EDA2R: variants seen among roughly 807,000 people sequenced by gnomAD.
EDA2R encodes ectodysplasin A2 receptor.
EDA2R carries 26 observed loss-of-function variants against 20.1 expected under a neutral mutation model. The ratio of observed to expected loss-of-function variants is 1.30; its 90% CI spans 0.95 to 1.80. The LOEUF (loss-of-function observed/expected upper bound fraction) is 1.80, where lower values mean the gene tolerates loss of function less well. Among genes scored for constraint, EDA2R ranks in the 40% most tolerant of loss-of-function variants. The pLI is 0.00. For synonymous variants in EDA2R, 114 were observed against 88.7 expected (o/e 1.29, Z -1.60); for missense variants, 277 against 228.7 (o/e 1.21, Z -1.36).
chrX:66,613,412 C>A (rs1180919393), intron 2 of EDA2R, among the ~76,000 whole-genome samples: 1 of 111,184 alleles, frequency 9.0e-6, no homozygotes, highest in Non-Finnish European at 1.9e-5. Flanking sequence ...ATTGGAAAGG[C>A]AAATGGGCAA....
intron 2 of EDA2R, among the ~76,000 whole-genome samples, chrX:66,610,580 G>A (rs979036867): frequency 2.7e-5 from 3 of 111,607 alleles, no homozygotes; most frequent in African/African-American, 9.8e-5. Context: ...TAATTGGTTA[G>A]CACTCCCTTT....
intron 5 of EDA2R, among the ~76,000 whole-genome samples, chrX:66,601,084 AG>A (rs1298307210): frequency 8.9e-6 from 1 of 112,186 alleles, no homozygotes; most frequent in Non-Finnish European, 1.9e-5. Flanking sequence ...TTCCAAAGTA[AG>A]AAAATGTCTA....
At chrX:66,600,331 T>C (rs1478745112) in intron 5 of EDA2R, among the ~76,000 whole-genome samples, 1 of 111,506 alleles carries the variant, frequency 9.0e-6, no homozygotes, top group Non-Finnish European at 1.9e-5. Context: ...ACAGAGAGTA[T>C]CAGAGAGATG....
intron 1 of EDA2R, among the ~76,000 whole-genome samples, chrX:66,625,178 G>T (rs1021011291): frequency 1.8e-5 from 2 of 111,541 alleles, no homozygotes; most frequent in Non-Finnish European, 3.8e-5. Flanking sequence ...CCAGAACTTG[G>T]GGTAGGGCAT....
chrX:66,636,773 A>G (rs1290557778), intron 1 of EDA2R, among the ~76,000 whole-genome samples: 2 of 111,056 alleles, frequency 1.8e-5, no homozygotes, highest in African/African-American at 6.6e-5. Flanking sequence ...TCCCAATAAC[A>G]CCATGATGTG....
chrX:66,636,606 G>A (rs5965285), intron 1 of EDA2R, among the ~76,000 whole-genome samples: 7,420 of 109,516 alleles, frequency 0.068, 647 homozygotes, highest in African/African-American at 0.24. Flanking sequence ...GCTCTCTCAG[G>A]AAGCAGTAAG....
intron 2 of EDA2R, among the ~76,000 whole-genome samples, chrX:66,606,641 G>A (rs1026214887): frequency 2.7e-5 from 3 of 111,783 alleles, no homozygotes; most frequent in African/African-American, 9.8e-5. Context: ...TCAAGAAAAA[G>A]GTCACTTGAA....
chrX:66,605,472 T>C (rs1193215378), intron 2 of EDA2R, among the ~76,000 whole-genome samples: 1 of 112,650 alleles, frequency 8.9e-6, no homozygotes, highest in African/African-American at 3.2e-5. Flanking sequence ...CAGCATAGGC[T>C]ATGCTGCAGT....
At chrX:66,615,828 G>T (rs1931580879) in intron 2 of EDA2R, 106 bp downstream of exon 2, 1 of 562,287 alleles carries the variant, frequency 1.8e-6, no homozygotes, top group East Asian at 3.6e-5. Context: ...CCGCTGAACT[G>T]GATCAGTCAT....
chrX:66,624,257 G>A (rs556729726), intron 1 of EDA2R, among the ~76,000 whole-genome samples: 8 of 111,896 alleles, frequency 7.1e-5, no homozygotes, highest in Non-Finnish European at 1.5e-4. Context: ...AGTGGCTCCC[G>A]CCTGGAATAC....
At chrX:66,614,267 C>T (rs1391779818) in intron 2 of EDA2R, among the ~76,000 whole-genome samples, 1 of 111,524 alleles carries the variant, frequency 9.0e-6, no homozygotes, top group African/African-American at 3.3e-5. Flanking sequence ...GCAAGATGTC[C>T]AATATGAAGG....
intron 5 of EDA2R, among the ~76,000 whole-genome samples, chrX:66,601,472 A>G (rs1480703478): frequency 9.0e-6 from 1 of 111,642 alleles, no homozygotes; most frequent in African/African-American, 3.3e-5. Flanking sequence ...ATGAAATGCT[A>G]TATTCATCTC....
chrX:66,605,049 T>A lies in EDA2R; in HGVS notation c.265A>T (p.Arg89Trp). The change falls in exon 3 of 7, where the codon AGG becomes TGG. Residue 89 changes from arginine to tryptophan, a missense_variant and splice_region_variant. Transcript: ENST00000374719. Reference sequence around the variant, plus strand: ...CTTGGTCTCATAAAGCAAGCTCACCTGGGCAAACAGTCCCCACAGACAGCA... The same window carrying A: ...CTTGGTCTCATAAAGCAAGCTCACCAGGGCAAACAGTCCCCACAGACAGCA... ...SNAVCGDCLP[R>W]FYRKTRIGGL... 8.3e-7 allele frequency: 1 copy of A among 1,199,594 alleles called. No individual in the cohort carries two copies. The highest frequency in any genetic ancestry group is 1.1e-6 in the Non-Finnish European group (1 of 889,408).
intron 2 of EDA2R, among the ~76,000 whole-genome samples, chrX:66,615,090 C>T (rs907818333): frequency 2.7e-5 from 3 of 111,464 alleles, no homozygotes; most frequent in Admixed American, 9.6e-5. Flanking sequence ...ATCTTCATAT[C>T]CAGATTCTTC....
Position 66,612,226 on chromosome X carries a change from TAAAAG to T in EDA2R, c.87+3703_87+3707del, listed in dbSNP as rs1427336032. ...ATGATTTAAGAAAGAGTGGAAGTGA[TAAAAG>T]AAGAAATCTTGGAGCATCAGGAAGG... is the stretch of plus-strand genomic sequence containing the variant. On this transcript the variant is annotated intron_variant, in intron 2 of 6. Coordinates refer to ENST00000374719, the MANE Select transcript of EDA2R (RefSeq NM_021783.5). Among the ~76,000 whole-genome samples the T allele has an allele frequency of 4.5e-5, 5 of 111,136 alleles. No homozygotes were observed. The East Asian group carries it at 1.4e-3, about 31-fold the overall frequency.
At chrX:66,619,145 C>G (rs985157610) in intron 1 of EDA2R, among the ~76,000 whole-genome samples, 2 of 111,469 alleles carry the variant, frequency 1.8e-5, no homozygotes, top group African/African-American at 6.5e-5. Context: ...TCTTCATTGA[C>G]CATTTCAGCT....
intron 1 of EDA2R, among the ~76,000 whole-genome samples, chrX:66,627,198 C>G (rs1438630374): frequency 1.8e-5 from 2 of 111,595 alleles, no homozygotes; most frequent in African/African-American, 6.5e-5. Flanking sequence ...ACCTATCAAA[C>G]AAAAACAAAA....
intron 2 of EDA2R, among the ~76,000 whole-genome samples, chrX:66,614,347 G>A (rs1931299746): frequency 9.0e-6 from 1 of 111,629 alleles, no homozygotes; most frequent in African/African-American, 3.3e-5. Flanking sequence ...CCTGTCTCCA[G>A]ACTTCATTAC....
intron 1 of EDA2R, among the ~76,000 whole-genome samples, chrX:66,617,014 G>T (rs1009522543): frequency 4.5e-5 from 5 of 112,101 alleles, no homozygotes; most frequent in African/African-American, 1.6e-4. Flanking sequence ...TAATGAAGGG[G>T]CTAAAGTAAT....
Sources: gnomAD v4.1 joint callset for allele counts (sites outside exome capture counted in the v4.1 genomes callset) on GRCh38, gnomAD v4.1.1 for gene constraint, MANE v1.5 for transcripts, NCBI Gene and HGNC (gene_info 2026-07-23, HGNC 2026-07-21) for gene names.